NPRL3: variants seen among roughly 807,000 people sequenced by gnomAD.
NPRL3 encodes the protein GATOR1 complex protein NPRL3.
NPRL3 carries 23 observed loss-of-function variants against 57.2 expected under a neutral mutation model. The observed-to-expected ratio is 0.40, with a 90% CI of 0.29 to 0.57. NPRL3 has a LOEUF of 0.57. NPRL3 is among the 20% of genes least tolerant of loss of function. The probability of loss-of-function intolerance (pLI) is 0.42; values close to 1 mark genes in which losing one functional copy is unlikely to be tolerated. For missense variants in NPRL3, 691 were observed against 767.1 expected (o/e 0.90, Z 1.17); for synonymous variants, 333 against 321.1 (o/e 1.04, Z -0.39).
Position 133,959 on chromosome 16 carries a change from T to G in NPRL3, c.119-3368A>C, listed in dbSNP as rs554892199. Among the ~76,000 whole-genome samples the G allele has an allele frequency of 3.9e-5, 6 of 152,256 alleles. No homozygotes were observed. In the South Asian group the frequency reaches 1.2e-3, roughly 32 times the overall value. ...GAACAGCCAGAATACACACAATTAT[T>G]GATGAAACTTGCTATCTTATGTGGA... On this transcript the variant is annotated intron_variant, in intron 2 of 13. Transcript: ENST00000611875.
chr16:138,034 G>T, intron 2 of NPRL3, 116 bp downstream of exon 2: 2 of 705,418 alleles, frequency 2.8e-6, no homozygotes, highest in South Asian at 1.7e-5. Flanking sequence ...ACTCTACAAC[G>T]AGCAGATCTC....
chr16:92,507 G>T, intron 11 of NPRL3, 89 bp downstream of exon 11: 1 of 1,481,282 alleles, frequency 6.8e-7, no homozygotes, highest in Non-Finnish European at 9.2e-7. Context: ...CAGTGCTGAG[G>T]GCTCTCAGAT....
intron 5 of NPRL3, among the ~76,000 whole-genome samples, chr16:116,797 C>CCCA (rs1900057670): frequency 7.0e-6 from 1 of 143,752 alleles, no homozygotes; most frequent in African/African-American, 2.6e-5. Context: ...ACCCCCCCCC[C>CCCA]CCACCGATCT....
intron 5 of NPRL3, among the ~76,000 whole-genome samples, chr16:114,943 G>C (rs1306516664): frequency 6.6e-6 from 1 of 150,750 alleles, no homozygotes; most frequent in Non-Finnish European, 1.5e-5. Flanking sequence ...CTATTTCAGG[G>C]TTTAAAATTT....
chr16:89,196 G>A lies in NPRL3; in HGVS notation c.1352-306C>T, dbSNP rs537988775. 38 of 399,936 alleles carry A rather than the reference G, an allele frequency of 9.5e-5. 1 individual carries two copies. In the South Asian group the frequency reaches 1.3e-3, roughly 13 times the overall value. The allele number at this position is 399,936 out of a possible 1,614,324, so 24.8% of individuals were successfully genotyped here. Reference sequence around the variant, plus strand: ...CATCCTGTCCCTCACCCAGGATGGAGGACAAAGCACCCTGGGCAGGTGGGG... The same window carrying A: ...CATCCTGTCCCTCACCCAGGATGGAAGACAAAGCACCCTGGGCAGGTGGGG... On this transcript the variant is annotated intron_variant, in intron 12 of 13. Transcript: ENST00000611875.
chr16:116,044 A>C (rs184763501), intron 5 of NPRL3, among the ~76,000 whole-genome samples: 1 of 152,326 alleles, frequency 6.6e-6, no homozygotes, highest in African/African-American at 2.4e-5. Context: ...TAATACTCCT[A>C]ACAGTGGGAC....
At position 94,253 on chromosome 16, in the gene NPRL3, C is replaced by T. The variant is rs115168592; in HGVS notation, c.925-928G>A. ...AACCCAAACCCCTTCCAGAGGAAAG[C>T]TCAGGCCTGAGGTCTGAGAGCACAG... On this transcript the variant is annotated intron_variant, in intron 9 of 13. Transcript: ENST00000611875. Among the ~76,000 whole-genome samples, 790 of 152,256 alleles carry T rather than the reference C, an allele frequency of 5.2e-3. 8 individuals carry two copies. The highest frequency in any genetic ancestry group is 0.018 in the African/African-American group (751 of 41,548).
chr16:132,771 G>A (rs887503630), intron 2 of NPRL3, among the ~76,000 whole-genome samples: 19 of 149,346 alleles, frequency 1.3e-4, no homozygotes, highest in African/African-American at 3.2e-4. Context: ...CCGGATTCAC[G>A]CCATTCTCCT....
chr16:88,216 G>A (rs943425950), intron 13 of NPRL3, among the ~76,000 whole-genome samples: 1 of 152,156 alleles, frequency 6.6e-6, no homozygotes, highest in African/African-American at 2.4e-5. Context: ...ATGAGGGTGA[G>A]AACTTGGCAC....
intron 2 of NPRL3, among the ~76,000 whole-genome samples, chr16:135,102 A>G (rs115442460): frequency 0.01 from 1,535 of 152,368 alleles, 32 homozygotes; most frequent in African/African-American, 0.034. Context: ...CACGATAAAG[A>G]GAGCAGAATC....
rs186335445 is a variant in NPRL3 at position 116,796 on chromosome 16, C to T, written c.393+505G>A. Among the ~76,000 whole-genome samples the T allele has an allele frequency of 9.6e-3, 1,386 of 144,678 alleles. 131 individuals carry two copies. The highest frequency in any genetic ancestry group is 0.032 in the African/African-American group (1,261 of 38,826). 94.9% of individuals were successfully genotyped at this position (144,678 alleles called of 152,430 possible). ...TGGCCAACATGGCGAGACCCCCCCC[C>T]CCCACCGATCTCTACTAAAAATACA... is the stretch of plus-strand genomic sequence containing the variant. On this transcript the variant is annotated intron_variant, in intron 5 of 13. Coordinates refer to ENST00000611875, the MANE Select transcript of NPRL3 (RefSeq NM_001077350.3).
At chr16:108,959 C>T (rs1054404747) in intron 7 of NPRL3, among the ~76,000 whole-genome samples, 5 of 152,046 alleles carry the variant, frequency 3.3e-5, no homozygotes, top group East Asian at 1.9e-4. Context: ...TGTGAGCCAC[C>T]GCGCCCGGCC....
At chr16:130,176 C>CTA (rs1268633079) in intron 3 of NPRL3, among the ~76,000 whole-genome samples, 9 of 152,302 alleles carry the variant, frequency 5.9e-5, no homozygotes, top group African/African-American at 2.2e-4. Context: ...CCTCTGGGTA[C>CTA]ATGCTCAAGG....
At chr16:126,614 A>G (rs1430174685) in intron 3 of NPRL3, among the ~76,000 whole-genome samples, 1 of 152,064 alleles carries the variant, frequency 6.6e-6, no homozygotes, top group African/African-American at 2.4e-5. Flanking sequence ...GGACATGCCC[A>G]CACCAGCCTT....
At chr16:106,484 A>G (rs118071652) in intron 7 of NPRL3, among the ~76,000 whole-genome samples, 217 of 151,794 alleles carry the variant, frequency 1.4e-3, no homozygotes, top group Non-Finnish European at 2.5e-3. Context: ...AAATACAAAA[A>G]CTATTCAGGC....
intron 3 of NPRL3, among the ~76,000 whole-genome samples, chr16:123,909 G>A (rs1402944059): frequency 6.6e-5 from 3 of 45,180 alleles, no homozygotes; most frequent in Admixed American, 2.6e-4. Flanking sequence ...CACTCCCCAC[G>A]CTGAGAAACA....
At chr16:98,528 G>A (rs922925803) in intron 8 of NPRL3, among the ~76,000 whole-genome samples, 1 of 151,330 alleles carries the variant, frequency 6.6e-6, no homozygotes, top group Non-Finnish European at 1.5e-5. Flanking sequence ...CCTGCACCGG[G>A]TGTGCATCAG....
intron 7 of NPRL3, 27 bp downstream of exon 7, chr16:110,498 G>A (rs1567138849): frequency 6.3e-7 from 1 of 1,592,718 alleles, no homozygotes; most frequent in South Asian, 1.1e-5. Context: ...TAAGAAGGAG[G>A]TTAATAAGCA....
At chr16:99,959 CAA>C (rs11304941) in intron 8 of NPRL3, among the ~76,000 whole-genome samples, 6 of 61,002 alleles carry the variant, frequency 9.8e-5, no homozygotes, top group Non-Finnish European at 1.7e-4. Context: ...CACACCCCCG[CAA>C]AAAAAAAAAA....
Sources: allele counts gnomAD v4.1 joint callset (sites outside exome capture counted in the v4.1 genomes callset), GRCh38; gene constraint gnomAD v4.1.1; transcripts MANE v1.5; gene names NCBI Gene and HGNC (gene_info 2026-07-23, HGNC 2026-07-21).